ANO2: variants seen among roughly 807,000 people sequenced by gnomAD.
The protein encoded by ANO2 is anoctamin-2.
ANO2 carries 101 observed loss-of-function variants against 124.2 expected under a neutral mutation model. That is an observed-to-expected ratio of 0.81 (90% confidence interval 0.69 to 0.96). The LOEUF (loss-of-function observed/expected upper bound fraction) is 0.96. Ranked by LOEUF, ANO2 falls within the 40% of genes least tolerant of loss-of-function variation. The pLI is 0.00. For synonymous variants in ANO2, 486 were observed against 482.5 expected (o/e 1.01, Z -0.09); for missense variants, 1,293 against 1,274.5 (o/e 1.01, Z -0.22).
intron 3 of ANO2, among the ~76,000 whole-genome samples, chr12:5,898,745 G>C (rs757539039): frequency 1.3e-5 from 2 of 152,196 alleles, no homozygotes; most frequent in African/African-American, 4.8e-5. Context: ...GTAGGGTCAC[G>C]ACTGGAAGGA....
At chr12:5,700,127 C>A (rs1284215915) in intron 14 of ANO2, among the ~76,000 whole-genome samples, 1 of 152,220 alleles carries the variant, frequency 6.6e-6, no homozygotes, top group Non-Finnish European at 1.5e-5. Flanking sequence ...CCCAAATCAA[C>A]AGAATATACA....
intron 3 of ANO2, among the ~76,000 whole-genome samples, chr12:5,859,045 C>T (rs1176106189): frequency 1.3e-5 from 2 of 152,158 alleles, no homozygotes; most frequent in Non-Finnish European, 2.9e-5. Context: ...TTGCTGAAAT[C>T]GACAGGAAAT....
intron 15 of ANO2, among the ~76,000 whole-genome samples, chr12:5,639,985 A>G (rs1946247432): frequency 6.6e-6 from 1 of 152,292 alleles, no homozygotes; most frequent in South Asian, 2.1e-4. Flanking sequence ...CTAGCTCTAG[A>G]GGAGGGACAT....
At chr12:5,736,635 T>C (rs1950877328) in intron 13 of ANO2, among the ~76,000 whole-genome samples, 1 of 152,192 alleles carries the variant, frequency 6.6e-6, no homozygotes, top group African/African-American at 2.4e-5. Context: ...AGGACCCTTG[T>C]TCAAGTCATT....
rs201193412 is a variant in ANO2, at chr12:5,921,264, C to A, written c.310G>T (p.Ala104Ser). Residue 104 changes from alanine to serine, a missense_variant, in exon 3 of 25, where the codon GCC becomes TCC. Physicochemically the swap from Ala to Ser is moderately conservative, Grantham distance 99. Transcript: ENST00000682330. ...ACCCCGCGTTTCCGGTAGTGGTAGGCAAGTACATAGTCGACCTTCCTCTGA... is the reference window on the plus strand; with the variant it reads ...ACCCCGCGTTTCCGGTAGTGGTAGGAAAGTACATAGTCGACCTTCCTCTGA... ...DSQRKVDYVLAYHYRKRGVHL... is the reference protein window; with the variant it reads ...DSQRKVDYVLSYHYRKRGVHL... 3.0e-5 allele frequency: 48 copies of A among 1,613,894 alleles called. No individual in the cohort carries two copies. The Middle Eastern group carries it at 9.9e-4, about 33-fold the overall frequency.
At chr12:5,939,919 G>C (rs531393414) in intron 1 of ANO2, among the ~76,000 whole-genome samples, 2 of 152,336 alleles carry the variant, frequency 1.3e-5, no homozygotes, top group African/African-American at 4.8e-5. Context: ...AAAATGAAAA[G>C]CTTGGTGTAG....
chr12:5,701,709 T>C (rs1393238493), intron 14 of ANO2, among the ~76,000 whole-genome samples: 1 of 152,238 alleles, frequency 6.6e-6, no homozygotes, highest in Non-Finnish European at 1.5e-5. Flanking sequence ...GCACTTAAAC[T>C]GCATTGAAAC....
At chr12:5,652,662 C>G (rs1380766276) in intron 14 of ANO2, among the ~76,000 whole-genome samples, 2 of 151,982 alleles carry the variant, frequency 1.3e-5, no homozygotes, top group Non-Finnish European at 2.9e-5. Flanking sequence ...GAATGTCCCT[C>G]AACACAGGCT....
intron 7 of ANO2, among the ~76,000 whole-genome samples, chr12:5,821,901 T>C (rs1323323993): frequency 2.0e-5 from 3 of 152,166 alleles, no homozygotes; most frequent in Non-Finnish European, 4.4e-5. Context: ...CAAATGCTCA[T>C]GGTCTTCATT....
intron 14 of ANO2, among the ~76,000 whole-genome samples, chr12:5,713,974 G>T (rs888131970): frequency 2.0e-5 from 3 of 152,154 alleles, no homozygotes; most frequent in African/African-American, 7.2e-5. Flanking sequence ...GAGACAGAAG[G>T]AGAGATGTTA....
chr12:5,612,611 A>C, intron 19 of ANO2, 45 bp downstream of exon 19: 1 of 1,555,246 alleles, frequency 6.4e-7, no homozygotes, highest in Non-Finnish European at 8.9e-7. Flanking sequence ...CTTCTGGGCT[A>C]ACCCCTGGCA....
intron 3 of ANO2, among the ~76,000 whole-genome samples, chr12:5,864,006 G>A (rs1449410025): frequency 6.6e-6 from 1 of 152,174 alleles, no homozygotes; most frequent in East Asian, 1.9e-4. Flanking sequence ...TTTTTAAAGA[G>A]CAAGTGCAGG....
chr12:5,701,087 A>ATTTTTTTTTT (rs56113538), intron 14 of ANO2, among the ~76,000 whole-genome samples: 7 of 93,612 alleles, frequency 7.5e-5, no homozygotes, highest in African/African-American at 8.4e-5. Flanking sequence ...GTCATTTTCA[A>ATTTTTTTTTT]TTTTTTTTTT....
rs1951007607 is a variant in ANO2 at position 5,739,457 on chromosome 12, C to A, written c.1352-58G>T. ...TTATTTTTGAAGAGTGGATTCTGTA[C>A]CCTTTGGGCTCACCAGTGGAGGTGG... On this transcript the variant is annotated intron_variant, in intron 12 of 24. Coordinates refer to ENST00000682330, the MANE Select transcript of ANO2 (RefSeq NM_001364791.2). The A allele has an allele frequency of 2.1e-6, 3 of 1,440,226 alleles. No individual in the cohort carries two copies. The East Asian group carries it at 7.4e-5, about 35-fold the overall frequency. 89.2% of individuals were successfully genotyped at this position (1,440,226 alleles called of 1,614,324 possible).
At chr12:5,699,729 A>C (rs1591941337) in intron 14 of ANO2, among the ~76,000 whole-genome samples, 1 of 152,330 alleles carries the variant, frequency 6.6e-6, no homozygotes, top group South Asian at 2.1e-4. Flanking sequence ...GGCTCAAAAT[A>C]AAGGGATGGA....
At chr12:5,642,009 T>A (rs60651870) in intron 15 of ANO2, among the ~76,000 whole-genome samples, 3,422 of 152,228 alleles carry the variant, frequency 0.022, 128 homozygotes, top group African/African-American at 0.078. Context: ...GATGATGACA[T>A]TGATGATGAC....
At chr12:5,850,102 C>T (rs902193248) in intron 4 of ANO2, among the ~76,000 whole-genome samples, 1 of 152,168 alleles carries the variant, frequency 6.6e-6, no homozygotes, top group African/African-American at 2.4e-5. Flanking sequence ...CCACTACAAG[C>T]CATTGCCTTC....
At chr12:5,849,599 C>T (rs571250873) in intron 4 of ANO2, among the ~76,000 whole-genome samples, 1 of 152,302 alleles carries the variant, frequency 6.6e-6, no homozygotes, top group East Asian at 1.9e-4. Context: ...TTTTGGAAAA[C>T]AAATGCTTCC....
rs1458710015 is a variant in ANO2 at position 5,695,021 on chromosome 12, T to C, written c.1545+37499A>G. On this transcript the variant is annotated intron_variant, in intron 14 of 24. Coordinates refer to ENST00000682330, the MANE Select transcript of ANO2 (RefSeq NM_001364791.2). ...GAACCGTGTCTGGTGCATACTTAAG[T>C]GCTACATAAGTGTCTGCTGAATAGT... 2.0e-5 allele frequency among the ~76,000 whole-genome samples: 3 copies of C among 152,110 alleles called. No individual in the cohort carries two copies. In the East Asian group the frequency reaches 5.8e-4, roughly 29 times the overall value.
Sources: gnomAD v4.1 joint callset for allele counts (sites outside exome capture counted in the v4.1 genomes callset) on GRCh38, gnomAD v4.1.1 for gene constraint, MANE v1.5 for transcripts, NCBI Gene and HGNC (gene_info 2026-07-23, HGNC 2026-07-21) for gene names.